The following CYP2W1 variants were observed in gnomAD, a reference collection of about 807,000 sequenced individuals.
CYP2W1 encodes the protein cytochrome P450 2W1.
In CYP2W1, 51 loss-of-function variants were observed where a neutral mutation model predicts 44.9. The ratio of observed to expected loss-of-function variants is 1.14; its 90% CI spans 0.91 to 1.43. The LOEUF (loss-of-function observed/expected upper bound fraction) is 1.43, where lower values mean the gene tolerates loss of function less well. Ranked by LOEUF, CYP2W1 falls within the 40% of genes most tolerant of loss-of-function variation. CYP2W1 has a pLI of 0.00. For synonymous variants in CYP2W1, 383 were observed against 338.3 expected, an observed-to-expected ratio of 1.13 and a Z score of -1.45; for missense variants, 746 against 700.0, an observed-to-expected ratio of 1.07 and a Z score of -0.74.
intron 7 of CYP2W1, 28 bp downstream of exon 7, chr7:987,559 C>T: frequency 1.3e-6 from 2 of 1,495,428 alleles, no homozygotes; most frequent in Non-Finnish European, 1.8e-6. Flanking sequence ...TTGCCCCTTC[C>T]ATCTCCTCTG....
At chr7:986,502 C>T (rs1284673818) in intron 4 of CYP2W1, 122 bp from the exon 5 acceptor site, 24 of 1,184,424 alleles carry the variant, frequency 2.0e-5, no homozygotes, top group Non-Finnish European at 2.9e-5. Flanking sequence ...TCTGTGGCCG[C>T]CTCCAGCACA....
At chr7:987,066 AC>A in intron 5 of CYP2W1, 40 bp from the exon 6 acceptor site, 1 of 1,459,510 alleles carries the variant, frequency 6.9e-7, no homozygotes, top group Non-Finnish European at 9.0e-7. Context: ...TGGGGGACAG[AC>A]CCCAGATCAT....
chr7:986,538 C>G, intron 4 of CYP2W1, 86 bp from the exon 5 acceptor site: 1 of 1,511,268 alleles, frequency 6.6e-7, no homozygotes, highest in Non-Finnish European at 9.1e-7. Context: ...TGGGCGTGAA[C>G]ACAGCCGCTG....
intron 1 of CYP2W1, 66 bp downstream of exon 1, chr7:983,451 G>GGCT: frequency 1.5e-6 from 2 of 1,352,572 alleles, no homozygotes; most frequent in African/African-American, 3.0e-5. Context: ...CCCCCTCCTG[G>GGCT]GGAAGCCCAG....
intron 4 of CYP2W1, 95 bp downstream of exon 4, chr7:985,418 C>G: frequency 7.5e-7 from 1 of 1,333,588 alleles, no homozygotes; most frequent in Non-Finnish European, 1.0e-6. Flanking sequence ...CCCCTCTCAG[C>G]TTCTCGGCCC....
rs774819793 is a variant in CYP2W1, at chr7:988,726, G to C, written c.1377G>C (p.Pro459=). The C allele has an allele frequency of 8.1e-6, 13 of 1,599,420 alleles. No homozygotes were observed. Among genetic ancestry groups the C allele is most frequent in the African/African-American group, 1.3e-5 (1 of 74,848 alleles). ...TGCAGAGGTACCGCCTGCTGCCCCC[G>C]CCTGGCGTCAGTCCGGCCTCCCTGG... ...GLLQRYRLLP[P]PGVSPASLDT... The change falls in exon 9 of 9, where the codon CCG becomes CCC. Residue 459 remains proline, a synonymous_variant. Transcript: ENST00000308919.
At chr7:985,608 G>A (rs1181975012) in intron 4 of CYP2W1, among the ~76,000 whole-genome samples, 1 of 152,182 alleles carries the variant, frequency 6.6e-6, no homozygotes, top group Non-Finnish European at 1.5e-5. Flanking sequence ...AGGCAGGCAT[G>A]GCTTCCCCAG....
intron 2 of CYP2W1, 127 bp downstream of exon 2, chr7:984,701 C>T: frequency 7.4e-7 from 1 of 1,357,898 alleles, no homozygotes; most frequent in Non-Finnish European, 9.9e-7. Flanking sequence ...AGGAGCTGGG[C>T]CTCCGGGCTG....
rs533445166 is a variant in CYP2W1, at chr7:985,163, C to T, written c.488-3C>T. The T allele has an allele frequency of 6.3e-7, 1 of 1,586,270 alleles. No individual in the cohort carries two copies. The highest frequency in any genetic ancestry group is 1.8e-5 in the Admixed American group (1 of 54,744). On this transcript the variant is annotated splice_region_variant and splice_polypyrimidine_tract_variant and intron_variant, in intron 3 of 8. Transcript: ENST00000308919. ...ACGTGCCTGAGGCCCGTCTCCCTCG[C>T]AGGCCGGCCCTTCCCGCTGGCCCTA...
In CYP2W1 at chr7:984,937, T is replaced by G; in HGVS notation, c.338-13T>G. On this transcript the variant is annotated splice_polypyrimidine_tract_variant and intron_variant, in intron 2 of 8. Transcript: ENST00000308919. ...GGGAACCTGGGCTCACCACGCACTGTATCTGCCTACAGGCATCTTCTTCTC... is the reference window on the plus strand; with the variant it reads ...GGGAACCTGGGCTCACCACGCACTGGATCTGCCTACAGGCATCTTCTTCTC... The G allele has an allele frequency of 6.3e-7, 1 of 1,588,360 alleles. No individual in the cohort carries two copies. The highest frequency in any genetic ancestry group is 8.5e-7 in the Non-Finnish European group (1 of 1,172,626).
In CYP2W1 at chr7:988,268, C is replaced by T; in HGVS notation, c.1144-9C>T. 1 of 1,555,120 alleles carries T rather than the reference C, an allele frequency of 6.4e-7. No homozygotes were observed. Among genetic ancestry groups the T allele is most frequent in the Non-Finnish European group, 8.7e-7 (1 of 1,153,324 alleles). On this transcript the variant is annotated splice_polypyrimidine_tract_variant and intron_variant, in intron 7 of 8. Coordinates refer to ENST00000308919, the MANE Select transcript of CYP2W1 (RefSeq NM_017781.3). ...GGCCCCTCTCTCTGTGCCCCGGCTG[C>T]CCCCACAGGGCACGCCCGTGATTCC...
In CYP2W1 at chr7:987,142, C is replaced by T. The variant is rs760375957; in HGVS notation, c.855C>T (p.Asn285=). The change falls in exon 6 of 9, where the codon AAC becomes AAT. Residue 285 remains asparagine, a synonymous_variant. Coordinates refer to ENST00000308919, the MANE Select transcript of CYP2W1 (RefSeq NM_017781.3). ...DDPEGLFAEA[N]AVACTLDMVM... Reference sequence around the variant, plus strand: ...CCGAGGGCCTGTTTGCTGAGGCCAACGCGGTGGCCTGCACCCTGGACATGG... The same window carrying T: ...CCGAGGGCCTGTTTGCTGAGGCCAATGCGGTGGCCTGCACCCTGGACATGG... 1.3e-5 allele frequency: 20 copies of T among 1,573,268 alleles called. No individual in the cohort carries two copies. In the East Asian group the frequency reaches 2.1e-4, roughly 17 times the overall value.
intron 5 of CYP2W1, 38 bp downstream of exon 5, chr7:986,835 G>A: frequency 3.4e-6 from 5 of 1,476,232 alleles, no homozygotes; most frequent in Non-Finnish European, 3.6e-6. Context: ...AGGCCTGTAG[G>A]GGTCCTGAGG....
In CYP2W1 at chr7:985,108, G is replaced by C. The variant is rs374841296; in HGVS notation, c.487+9G>C. The C allele has an allele frequency of 6.2e-7, 1 of 1,610,996 alleles. No individual in the cohort carries two copies. Among genetic ancestry groups the C allele is most frequent in the Non-Finnish European group, 8.5e-7 (1 of 1,179,136 alleles). On this transcript the variant is annotated intron_variant, in intron 3 of 8. Transcript: ENST00000308919. Reference sequence around the variant, plus strand: ...GCTGGATGGCTACAGAGGTGAGCAGGGGGCCGGGGACGCCCCTCCCCGGGC... The same window carrying C: ...GCTGGATGGCTACAGAGGTGAGCAGCGGGCCGGGGACGCCCCTCCCCGGGC...
At position 985,324 on chromosome 7, in the gene CYP2W1, G is replaced by A; in HGVS notation, c.645+1G>A. 2.6e-6 allele frequency: 4 copies of A among 1,549,406 alleles called. No individual in the cohort carries two copies. The highest frequency in any genetic ancestry group is 2.4e-5 in the South Asian group (2 of 84,042). Reference sequence around the variant, plus strand: ...CCTCTTGGGGTCCCCTGGCCTGCAGGTGAGGAGCTGCCTCCCATCCTTGGG... The same window carrying A: ...CCTCTTGGGGTCCCCTGGCCTGCAGATGAGGAGCTGCCTCCCATCCTTGGG... On this transcript the variant is annotated splice_donor_variant, in intron 4 of 8. Coordinates refer to ENST00000308919, the MANE Select transcript of CYP2W1 (RefSeq NM_017781.3). LOFTEE classifies it high-confidence loss of function.
intron 7 of CYP2W1, among the ~76,000 whole-genome samples, chr7:987,918 A>ATCCCCTGTGTGTCCTGGGGGGGG (rs1848501573): frequency 9.8e-6 from 1 of 101,948 alleles, no homozygotes; most frequent in African/African-American, 4.8e-5. Flanking sequence ...TGTCCTGGGG[A>ATCCCCTGTGTGTCCTGGGGGGGG]TCCCCTGTGT....
intron 7 of CYP2W1, among the ~76,000 whole-genome samples, chr7:987,940 G>A (rs1277125833): frequency 2.1e-5 from 3 of 141,190 alleles, no homozygotes; most frequent in African/African-American, 5.7e-5. Flanking sequence ...TCCTGGGGGG[G>A]TCCCCTGTGT....
In CYP2W1 at chr7:988,319, G is replaced by C. The variant is rs1002204542; in HGVS notation, c.1186G>C (p.Glu396Gln). The change falls in exon 8 of 9, where the codon GAG becomes CAG. Residue 396 changes from glutamate (E) to glutamine (Q), a missense_variant. Glu to Gln is a conservative substitution (Grantham distance 29). Transcript: ENST00000308919. ...IPLLTSVLLD[E>Q]TQWQTPGQFN... ...CCTGCTGACCTCGGTGCTCCTGGAT[G>C]AGACACAGTGGCAGACCCCAGGCCA... The C allele has an allele frequency of 1.9e-6, 3 of 1,610,566 alleles. No homozygotes were observed. The highest frequency in any genetic ancestry group is 2.5e-6 in the Non-Finnish European group (3 of 1,178,356).
chr7:988,384 T>C lies in CYP2W1; in HGVS notation c.1251T>C (p.Phe417=), dbSNP rs755184595. ...ATTTCCTGGACGCGAATGGGCACTT[T>C]GTGAAGCGGGAGGCCTTCCTGCCTT... is the stretch of plus-strand genomic sequence containing the variant. The part of the protein sequence containing the change: ...PGHFLDANGH[F]VKREAFLPFS... The change falls in exon 8 of 9, where the codon TTT becomes TTC. Residue 417 remains phenylalanine (F), a synonymous_variant. Coordinates refer to ENST00000308919, the MANE Select transcript of CYP2W1 (RefSeq NM_017781.3). 6 of 1,612,638 alleles carry C rather than the reference T, an allele frequency of 3.7e-6. No individual in the cohort carries two copies. The highest frequency in any genetic ancestry group is 3.3e-5 in the Admixed American group (2 of 59,990).
Sources: gnomAD v4.1 joint callset for allele counts (sites outside exome capture counted in the v4.1 genomes callset) on GRCh38, gnomAD v4.1.1 for gene constraint, MANE v1.5 for transcripts, NCBI Gene and HGNC (gene_info 2026-07-23, HGNC 2026-07-21) for gene names.